ZC3HAV1: variants seen among roughly 807,000 people sequenced by gnomAD.
ZC3HAV1 encodes zinc finger CCCH-type containing, antiviral 1.
ZC3HAV1 carries 41 observed loss-of-function variants against 86.6 expected under a neutral mutation model. That is an observed-to-expected ratio of 0.47 (90% CI 0.37 to 0.61). The LOEUF is 0.61. Among genes scored for constraint, ZC3HAV1 ranks in the 20% least tolerant of loss-of-function variants. The pLI is 0.00. For missense variants in ZC3HAV1, 964 were observed against 1,141.1 expected (o/e 0.84, Z 2.24); for synonymous variants, 421 against 432.1 (o/e 0.97, Z 0.32).
Position 139,047,765 on chromosome 7 carries a change from C to T in ZC3HAV1, c.2538G>A (p.Leu846=), listed in dbSNP as rs112458167. ...TATTTCCTTCAGTAAACTTTCCAACCAGAACTTGGGCTACAAACATAACGA... is the reference window on the plus strand; with the variant it reads ...TATTTCCTTCAGTAAACTTTCCAACTAGAACTTGGGCTACAAACATAACGA... The part of the protein sequence containing the change: ...KNVVMFVAQV[L]VGKFTEGNIT... Residue 846 remains leucine, a synonymous_variant, in exon 13 of 13, where the codon CTG becomes CTA. Coordinates refer to ENST00000242351, the MANE Select transcript of ZC3HAV1 (RefSeq NM_020119.4). 6 of 1,613,982 alleles carry T rather than the reference C, an allele frequency of 3.7e-6. No homozygotes were observed. The African/African-American group carries it at 6.7e-5, about 18-fold the overall frequency.
At chr7:139,085,690 T>C (rs1052027412) in intron 2 of ZC3HAV1, among the ~76,000 whole-genome samples, 5 of 152,230 alleles carry the variant, frequency 3.3e-5, no homozygotes, top group African/African-American at 7.2e-5. Flanking sequence ...TCCTCCTCTT[T>C]CCTTCTGATA....
intron 1 of ZC3HAV1, among the ~76,000 whole-genome samples, chr7:139,101,072 T>C (rs1311730437): frequency 6.6e-6 from 1 of 152,224 alleles, no homozygotes; most frequent in African/African-American, 2.4e-5. Context: ...CTCCAGCTCC[T>C]AACCGCGAGT....
intron 1 of ZC3HAV1, among the ~76,000 whole-genome samples, chr7:139,098,985 C>T (rs1458579657): frequency 6.6e-6 from 1 of 152,152 alleles, no homozygotes; most frequent in Non-Finnish European, 1.5e-5. Flanking sequence ...AATATATCTA[C>T]TTATTTTAAA....
At chr7:139,081,358 G>C (rs924348085) in intron 3 of ZC3HAV1, among the ~76,000 whole-genome samples, 3 of 152,086 alleles carry the variant, frequency 2.0e-5, no homozygotes, top group Non-Finnish European at 2.9e-5. Context: ...CAGTAGTTAT[G>C]TAGTAAAAGC....
At chr7:139,101,983 G>GA (rs1203734208) in intron 1 of ZC3HAV1, among the ~76,000 whole-genome samples, 1 of 141,986 alleles carries the variant, frequency 7.0e-6, no homozygotes, top group African/African-American at 2.7e-5. Flanking sequence ...CCCTCTGTGA[G>GA]AAACACCCAA....
intron 1 of ZC3HAV1, among the ~76,000 whole-genome samples, chr7:139,105,778 C>T (rs1284205963): frequency 2.0e-5 from 3 of 152,164 alleles, no homozygotes; most frequent in Non-Finnish European, 4.4e-5. Context: ...ACCCCATTAA[C>T]TGGTAATCTA....
rs778098630 is a variant in ZC3HAV1, at chr7:139,047,633, C to G, written c.2670G>C (p.Val890=). The G allele has an allele frequency of 2.5e-6, 4 of 1,614,120 alleles. No homozygotes were observed. In the South Asian group the frequency reaches 4.4e-5, roughly 18 times the overall value. The change falls in exon 13 of 13, where the codon GTG becomes GTC. Residue 890 remains valine (V), a synonymous_variant. Transcript: ENST00000242351. The part of the protein sequence containing the change: ...FQKDQVYPQY[V]IEYTEDKACV... ...AGGCTTTGTCTTCAGTATATTCAAT[C>G]ACATATTGTGGGTAAACCTGATCTT...
At chr7:139,053,354 G>A (rs1478351298) in intron 12 of ZC3HAV1, 97 bp downstream of exon 12, 2 of 1,405,508 alleles carry the variant, frequency 1.4e-6, no homozygotes, top group East Asian at 2.5e-5. Flanking sequence ...TGGACACTCT[G>A]GTTAATACAA....
At chr7:139,068,184 C>T (rs1816664247) in intron 7 of ZC3HAV1, among the ~76,000 whole-genome samples, 1 of 151,940 alleles carries the variant, frequency 6.6e-6, no homozygotes, top group African/African-American at 2.4e-5. Context: ...CTCAGCCTCC[C>T]GAATAGCTGG....
intron 9 of ZC3HAV1, among the ~76,000 whole-genome samples, chr7:139,056,733 C>A (rs1304862573): frequency 6.6e-6 from 1 of 151,882 alleles, no homozygotes; most frequent in Non-Finnish European, 1.5e-5. Context: ...AATGAAATTG[C>A]ATGAAAAAAG....
intron 1 of ZC3HAV1, among the ~76,000 whole-genome samples, chr7:139,090,131 G>C (rs1195104484): frequency 2.6e-5 from 4 of 151,924 alleles, no homozygotes; most frequent in Non-Finnish European, 5.9e-5. Context: ...ATGTTAGCCA[G>C]GCTGGTCTTG....
chr7:139,068,615 G>A (rs918964481), intron 7 of ZC3HAV1, among the ~76,000 whole-genome samples: 7 of 152,224 alleles, frequency 4.6e-5, no homozygotes, highest in East Asian at 1.9e-4. Context: ...TGAAATTGCC[G>A]CATGTGGCAA....
chr7:139,054,403 T>C (rs1010371056), intron 10 of ZC3HAV1, among the ~76,000 whole-genome samples: 1 of 152,044 alleles, frequency 6.6e-6, no homozygotes, highest in Admixed American at 6.6e-5. Context: ...GGAATTGAGG[T>C]GCCATGCAGT....
At position 139,057,632 on chromosome 7, in the gene ZC3HAV1, G is replaced by A. The variant is rs1256874862; in HGVS notation, c.2097-2337C>T. On this transcript the variant is annotated intron_variant, in intron 9 of 12. Coordinates refer to ENST00000242351, the MANE Select transcript of ZC3HAV1 (RefSeq NM_020119.4). ...CGGCTCACTGCAAGCTCCGCCTCCC[G>A]GGTTCACGCCATTCTCCTGCCTCAG... Among the ~76,000 whole-genome samples the A allele has an allele frequency of 4.6e-4, 12 of 26,234 alleles. 3 individuals are homozygous for A. The East Asian group carries it at 9.6e-3, about 21-fold the overall frequency. 17.2% of individuals were successfully genotyped at this position (26,234 alleles called of 152,430 possible). A position where few individuals can be genotyped will look rare whatever the true frequency, so the allele number is the denominator to read the frequency against.
At chr7:139,085,252 C>T (rs1345502133) in intron 2 of ZC3HAV1, among the ~76,000 whole-genome samples, 1 of 152,234 alleles carries the variant, frequency 6.6e-6, no homozygotes, top group African/African-American at 2.4e-5. Context: ...GCACCATTAG[C>T]AACTTCACAA....
intron 10 of ZC3HAV1, 116 bp downstream of exon 10, chr7:139,055,089 C>A (rs570496019): frequency 3.3e-6 from 3 of 915,270 alleles, no homozygotes; most frequent in Non-Finnish European, 5.1e-6. Context: ...TGCACCCAGC[C>A]GATCTAAGAG....
chr7:139,108,955 C>T lies in ZC3HAV1; in HGVS notation c.308+69G>A. 6.8e-7 allele frequency: 1 copy of T among 1,470,560 alleles called. No individual in the cohort carries two copies. The highest frequency in any genetic ancestry group is 1.4e-5 in the South Asian group (1 of 72,880). The allele number at this position is 1,470,560 out of a possible 1,614,324, so 91.1% of individuals were successfully genotyped here. A position where few individuals can be genotyped will look rare whatever the true frequency, so the allele number is the denominator to read the frequency against. ...CGGCGAAGCCGTGCCCCTCCCAGAA[C>T]ATTGCCCGCCTGGACAGTCCACCCC... On this transcript the variant is annotated intron_variant, in intron 1 of 12. Coordinates refer to ENST00000242351, the MANE Select transcript of ZC3HAV1 (RefSeq NM_020119.4). This position sits in a 1 kb window ranked among gnomAD's most constrained non-coding sequence, Gnocchi z 4.2.
At chr7:139,102,121 A>C (rs553260872) in intron 1 of ZC3HAV1, among the ~76,000 whole-genome samples, 38 of 152,268 alleles carry the variant, frequency 2.5e-4, no homozygotes, top group African/African-American at 8.7e-4. Context: ...GCAAATACTT[A>C]AAACAATATC....
chr7:139,076,333 C>T lies in ZC3HAV1; in HGVS notation c.1650G>A (p.Glu550=), dbSNP rs1408323488. The part of the protein sequence containing the change: ...MLIGKTWTDF[E]HMETIEKGYC... ...AGCCTTTCTCGATCGTCTCCATGTG[C>T]TCAAAGTCCGTCCAGGTTTTACCAA... Residue 550 remains glutamate, a synonymous_variant, in exon 6 of 13, where the codon GAG becomes GAA. Transcript: ENST00000242351. 1.2e-6 allele frequency: 2 copies of T among 1,614,070 alleles called. No individual in the cohort carries two copies. The highest frequency in any genetic ancestry group is 1.7e-6 in the Non-Finnish European group (2 of 1,180,046).
Sources: allele counts gnomAD v4.1 joint callset (sites outside exome capture counted in the v4.1 genomes callset), GRCh38; gene constraint gnomAD v4.1.1; non-coding constraint Gnocchi (gnomAD v3.1); transcripts MANE v1.5; gene names NCBI Gene and HGNC (gene_info 2026-07-23, HGNC 2026-07-21).